GOLIM4: variants seen among roughly 807,000 people sequenced by gnomAD.
The protein encoded by GOLIM4 is golgi integral membrane protein 4.
GOLIM4 carries 71 observed loss-of-function variants against 107.4 expected under a neutral mutation model. The ratio of observed to expected loss-of-function variants is 0.66; its 90% CI spans 0.55 to 0.81. GOLIM4 has a LOEUF of 0.81. GOLIM4 is among the 30% of genes least tolerant of loss of function. The pLI, the probability that GOLIM4 is intolerant of heterozygous loss-of-function variation, is 0.00. For synonymous variants in GOLIM4, 327 were observed against 294.8 expected (o/e 1.11, Z -1.12); for missense variants, 830 against 826.1 (o/e 1.00, Z -0.06).
At chr3:168,054,858 T>C (rs1046376107) in intron 1 of GOLIM4, among the ~76,000 whole-genome samples, 2 of 152,066 alleles carry the variant, frequency 1.3e-5, no homozygotes, top group African/African-American at 2.4e-5. Flanking sequence ...AATTTAATCA[T>C]GGGGCAGGTT....
intron 7 of GOLIM4, 115 bp downstream of exon 7, chr3:168,040,671 C>T: frequency 3.2e-6 from 2 of 624,340 alleles, no homozygotes; most frequent in South Asian, 4.6e-5. Flanking sequence ...ATTAGGATAG[C>T]TCTGTCCTAA....
chr3:168,071,783 CTTACT>C (rs1720842317), intron 1 of GOLIM4, among the ~76,000 whole-genome samples: 1 of 151,938 alleles, frequency 6.6e-6, no homozygotes, highest in Non-Finnish European at 1.5e-5. Context: ...TGCTGTAGAA[CTTACT>C]TTAATTAAAA....
rs191183944 is a variant in GOLIM4, at chr3:168,036,145, C to T, written c.843+691G>A. Among the ~76,000 whole-genome samples the T allele has an allele frequency of 3.2e-3, 491 of 152,300 alleles. 1 individual carries two copies. The highest frequency in any genetic ancestry group is 0.013 in the Admixed American group (192 of 15,298). On this transcript the variant is annotated intron_variant, in intron 8 of 15. Coordinates refer to ENST00000470487, the MANE Select transcript of GOLIM4 (RefSeq NM_014498.5). ...TGATCATTTAACGTTCTCACCCTAACCCCCGCAAAATCCCCAACCTTGAAA... is the reference window on the plus strand; with the variant it reads ...TGATCATTTAACGTTCTCACCCTAATCCCCGCAAAATCCCCAACCTTGAAA...
chr3:168,077,024 C>T (rs368788781), intron 1 of GOLIM4, among the ~76,000 whole-genome samples: 1 of 152,182 alleles, frequency 6.6e-6, no homozygotes, highest in Non-Finnish European at 1.5e-5. Context: ...ATTATTAACT[C>T]ATACCCTCCG....
At chr3:168,086,047 T>C (rs371386623) in intron 1 of GOLIM4, among the ~76,000 whole-genome samples, 1 of 152,144 alleles carries the variant, frequency 6.6e-6, no homozygotes, top group South Asian at 2.1e-4. Flanking sequence ...TGACCGCCTA[T>C]ACAGTAAAAA....
chr3:168,031,976 G>A (rs1054473130), intron 9 of GOLIM4, among the ~76,000 whole-genome samples: 7 of 152,058 alleles, frequency 4.6e-5, no homozygotes, highest in Non-Finnish European at 8.8e-5. Context: ...TGTAAGTGGC[G>A]TGTCCAGTAA....
Position 168,026,361 on chromosome 3 carries a change from G to A in GOLIM4, c.1624-1266C>T, listed in dbSNP as rs78757447. Among the ~76,000 whole-genome samples the A allele has an allele frequency of 1.5e-3, 222 of 152,150 alleles. 3 individuals are homozygous for A. Among genetic ancestry groups the A allele is most frequent in the African/African-American group, 5.0e-3 (206 of 41,494 alleles). ...AAAGTACCAAATATCTTTTGCAAACGTTCATAAAATTGACTAGCTCAACTC... is the reference window on the plus strand; with the variant it reads ...AAAGTACCAAATATCTTTTGCAAACATTCATAAAATTGACTAGCTCAACTC... On this transcript the variant is annotated intron_variant, in intron 12 of 15. Coordinates refer to ENST00000470487, the MANE Select transcript of GOLIM4 (RefSeq NM_014498.5).
chr3:168,050,118 T>C (rs1189248782), intron 1 of GOLIM4, among the ~76,000 whole-genome samples: 1 of 152,168 alleles, frequency 6.6e-6, no homozygotes, highest in Non-Finnish European at 1.5e-5. Context: ...ATTCACCAGA[T>C]GATCCTTTCC....
intron 1 of GOLIM4, among the ~76,000 whole-genome samples, chr3:168,058,421 C>G (rs867711433): frequency 7.9e-5 from 12 of 152,178 alleles, no homozygotes; most frequent in South Asian, 6.2e-4. Flanking sequence ...AAGTGCTGAG[C>G]TACTAATAAT....
At chr3:168,039,545 T>C (rs1004439151) in intron 7 of GOLIM4, among the ~76,000 whole-genome samples, 2 of 152,188 alleles carry the variant, frequency 1.3e-5, no homozygotes, top group African/African-American at 4.8e-5. Context: ...ATTACAGGCA[T>C]GAGCCACGGT....
At chr3:168,061,461 T>C (rs1039767034) in intron 1 of GOLIM4, among the ~76,000 whole-genome samples, 1 of 152,180 alleles carries the variant, frequency 6.6e-6, no homozygotes, top group Non-Finnish European at 1.5e-5. Flanking sequence ...ATCCCACTCC[T>C]AGGTATGTAC....
intron 1 of GOLIM4, among the ~76,000 whole-genome samples, chr3:168,063,149 A>G (rs931717045): frequency 3.3e-5 from 5 of 152,044 alleles, no homozygotes; most frequent in African/African-American, 1.2e-4. Context: ...CTAGAATTGT[A>G]TTTCCCAACA....
At chr3:168,073,072 T>G (rs570150857) in intron 1 of GOLIM4, among the ~76,000 whole-genome samples, 1 of 152,336 alleles carries the variant, frequency 6.6e-6, no homozygotes, top group South Asian at 2.1e-4. Flanking sequence ...ATTCTGAGGA[T>G]GTTAAAAGGA....
Position 168,095,154 on chromosome 3 carries a change from C to T in GOLIM4, c.132G>A (p.Glu44=). ...GCTGCTGGTACTTGAGCGCCACCGC[C>T]TCGGCTTTCCGCAGCTGCGTCTGCA... ...YELQTQLRKA[E]AVALKYQQHQ... The change falls in exon 1 of 16, where the codon GAG becomes GAA. Residue 44 remains glutamate (E), a synonymous_variant. Coordinates refer to ENST00000470487, the MANE Select transcript of GOLIM4 (RefSeq NM_014498.5). 6.2e-7 allele frequency: 1 copy of T among 1,611,940 alleles called. No homozygotes were observed. The highest frequency in any genetic ancestry group is 8.5e-7 in the Non-Finnish European group (1 of 1,178,494).
rs1220475981 is a variant in GOLIM4, at chr3:168,030,019, C to T, written c.1194G>A (p.Lys398=). ...AGGGTGATTGGAATTTGATCATTGGCTTGGCTGAAGGGTACACCTAGGGTG... is the reference window on the plus strand; with the variant it reads ...AGGGTGATTGGAATTTGATCATTGGTTTGGCTGAAGGGTACACCTAGGGTG... ...HARAEVYPSA[K]PMIKFQSPYE... The change falls in exon 10 of 16, where the codon AAG becomes AAA. Residue 398 remains lysine, a synonymous_variant. Transcript: ENST00000470487. 1.2e-6 allele frequency: 2 copies of T among 1,614,160 alleles called. No homozygotes were observed. The highest frequency in any genetic ancestry group is 8.5e-7 in the Non-Finnish European group (1 of 1,180,006).
intron 1 of GOLIM4, among the ~76,000 whole-genome samples, chr3:168,061,132 GAT>G (rs1485577561): frequency 7.0e-6 from 1 of 142,358 alleles, no homozygotes; most frequent in East Asian, 2.0e-4. Flanking sequence ...AAATATACAA[GAT>G]TTTAGAGAAG....
chr3:168,059,857 C>A (rs1297356695), intron 1 of GOLIM4, among the ~76,000 whole-genome samples: 2 of 152,004 alleles, frequency 1.3e-5, no homozygotes, highest in Non-Finnish European at 2.9e-5. Flanking sequence ...CTGAAGGGGT[C>A]AGTCAGTACT....
At chr3:168,051,327 C>G (rs1419160547) in intron 1 of GOLIM4, among the ~76,000 whole-genome samples, 2 of 152,156 alleles carry the variant, frequency 1.3e-5, no homozygotes, top group Non-Finnish European at 1.5e-5. Context: ...ATTTATCAAA[C>G]TGAATCATAC....
At chr3:168,089,769 C>CTT (rs558179583) in intron 1 of GOLIM4, among the ~76,000 whole-genome samples, 3,625 of 137,888 alleles carry the variant, frequency 0.026, 169 homozygotes, top group African/African-American at 0.085. Flanking sequence ...ATGTTTCTCT[C>CTT]TTTTTTTTTT....
Sources: allele counts gnomAD v4.1 joint callset (sites outside exome capture counted in the v4.1 genomes callset), GRCh38; gene constraint gnomAD v4.1.1; transcripts MANE v1.5; gene names NCBI Gene and HGNC (gene_info 2026-07-23, HGNC 2026-07-21).